The following EPG5 variants were observed in gnomAD, a reference collection of about 807,000 sequenced individuals.
EPG5 encodes the protein ectopic P granules protein 5 homolog.
A neutral mutation model predicts 302.7 loss-of-function variants in EPG5; 159 were observed. The ratio of observed to expected loss-of-function variants is 0.53; its 90% CI spans 0.46 to 0.60. The LOEUF (loss-of-function observed/expected upper bound fraction) is 0.60, where lower values mean the gene tolerates loss of function less well. EPG5 is among the 20% of genes least tolerant of loss of function. EPG5 has a pLI of 0.00. For synonymous variants in EPG5, 1,158 were observed against 1,136.8 expected (o/e 1.02, Z -0.37); for missense variants, 2,896 against 3,092.4 (o/e 0.94, Z 1.51).
chr18:45,833,905 T>A, the EPG5 span, among the ~76,000 whole-genome samples: 2 of 150,282 alleles, frequency 1.3e-5, no homozygotes, highest in Admixed American at 6.6e-5. Flanking sequence ...CCAAGATAAG[T>A]AAAGGAAATA....
At chr18:45,819,154 A>C in the EPG5 span, among the ~76,000 whole-genome samples, 1 of 152,238 alleles carries the variant, frequency 6.6e-6, no homozygotes, top group African/African-American at 2.4e-5. Flanking sequence ...TGACTCATTT[A>C]AATATCACCT....
intron 17 of EPG5, 109 bp from the exon 18 acceptor site, chr18:45,916,691 G>A (rs530634515): frequency 1.8e-5 from 21 of 1,180,146 alleles, no homozygotes; most frequent in Admixed American, 1.6e-4. Flanking sequence ...CCCATTTTTC[G>A]ACCAAAGCAC....
rs1480923071 is a variant in EPG5 at position 45,934,731 on chromosome 18, A to G, written c.2257+78T>C. On this transcript the variant is annotated intron_variant, in intron 11 of 43. Transcript: ENST00000282041. ...TAAAACATTTTCTCTTAGTCCTTCT[A>G]AAAGTAAAAATTAAGCCCTGAAGAG... 8 of 1,484,202 alleles carry G rather than the reference A, an allele frequency of 5.4e-6. No individual in the cohort carries two copies. The African/African-American group carries it at 5.6e-5, about 10-fold the overall frequency. The allele number at this position is 1,484,202 out of a possible 1,614,324, so 91.9% of individuals were successfully genotyped here.
chr18:45,925,242 A>G (rs528460116), intron 14 of EPG5, among the ~76,000 whole-genome samples: 1 of 152,250 alleles, frequency 6.6e-6, no homozygotes, highest in Non-Finnish European at 1.5e-5. Flanking sequence ...AAGCCGAGGC[A>G]AGGTGGATCA....
chr18:45,842,290 GC>G, the EPG5 span: 1 of 1,322,768 alleles, frequency 7.6e-7, no homozygotes, highest in Non-Finnish European at 1.1e-6. Flanking sequence ...CACCTTGGCA[GC>G]CCCCAGCTGG....
intron 28 of EPG5, among the ~76,000 whole-genome samples, chr18:45,889,207 C>T (rs2049286366): frequency 6.6e-6 from 1 of 152,196 alleles, no homozygotes; most frequent in Non-Finnish European, 1.5e-5. Context: ...GCAGAGTCAA[C>T]CCCCACCTCC....
chr18:45,831,225 C>A, the EPG5 span, among the ~76,000 whole-genome samples: 82,045 of 152,028 alleles, frequency 0.54, 22,352 homozygotes, highest in East Asian at 0.59. Context: ...CGCCTGCTGC[C>A]GTGTTGTGAT....
chr18:45,885,001 A>C (rs2049186792), intron 29 of EPG5, among the ~76,000 whole-genome samples, 190 bp from the exon 30 acceptor site: 1 of 152,214 alleles, frequency 6.6e-6, no homozygotes, highest in Non-Finnish European at 1.5e-5. Flanking sequence ...AATATTAGAA[A>C]TTCTGAAGAA....
intron 39 of EPG5, among the ~76,000 whole-genome samples, chr18:45,863,914 G>C (rs1020089789): frequency 4.6e-5 from 7 of 152,000 alleles, no homozygotes; most frequent in African/African-American, 1.7e-4. Flanking sequence ...TATCCTACTT[G>C]GGATTTGCTG....
chr18:45,916,508 T>G lies in EPG5; in HGVS notation c.3314A>C (p.His1105Pro). The G allele has an allele frequency of 1.2e-6, 2 of 1,613,798 alleles. No individual in the cohort carries two copies. The highest frequency in any genetic ancestry group is 1.7e-6 in the Non-Finnish European group (2 of 1,179,722). The change falls in exon 18 of 44, where the codon CAC becomes CCC. Residue 1105 changes from histidine (H) to proline (P), a missense_variant. Transcript: ENST00000282041. The stretch of plus-strand genomic sequence containing the variant: ...TCCTGTCAGGTGCTGTGCCACCTTG[T>G]GGGTGACCTGTTGTGTGACACCCTG... ...VPQGVTQQVT[H>P]KVAQHLTGAS...
At chr18:45,884,311 G>A (rs2049169877) in intron 30 of EPG5, among the ~76,000 whole-genome samples, 1 of 152,172 alleles carries the variant, frequency 6.6e-6, no homozygotes, top group Non-Finnish European at 1.5e-5. Flanking sequence ...ATGATCTGAG[G>A]TGGAACAGTT....
the EPG5 span, among the ~76,000 whole-genome samples, chr18:45,812,050 A>G: frequency 2.6e-5 from 4 of 152,214 alleles, no homozygotes; most frequent in Admixed American, 6.5e-5. Context: ...CCTTAAGCTG[A>G]TAAGAAACTT....
chr18:45,950,794 T>C (rs117391059), intron 4 of EPG5, among the ~76,000 whole-genome samples: 1,788 of 152,344 alleles, frequency 0.012, 14 homozygotes, highest in Non-Finnish European at 0.02. Flanking sequence ...ATCCTCAACC[T>C]GTACCTATAT....
Position 45,929,015 on chromosome 18 carries a change from T to C in EPG5, c.2413-6A>G. 6 of 1,612,918 alleles carry C rather than the reference T, an allele frequency of 3.7e-6. No homozygotes were observed. The highest frequency in any genetic ancestry group is 5.1e-6 in the Non-Finnish European group (6 of 1,179,506). ...GACAAGGTGACATAAGATACCTAAATGGGGGGAAGGGGGAAGAAGATGGCA... is the reference window on the plus strand; with the variant it reads ...GACAAGGTGACATAAGATACCTAAACGGGGGGAAGGGGGAAGAAGATGGCA... On this transcript the variant is annotated splice_region_variant and splice_polypyrimidine_tract_variant and intron_variant, in intron 12 of 43. Transcript: ENST00000282041.
chr18:45,829,392 C>T, the EPG5 span, among the ~76,000 whole-genome samples: 1 of 152,212 alleles, frequency 6.6e-6, no homozygotes, highest in Non-Finnish European at 1.5e-5. Context: ...GATCTCCACC[C>T]CATTCTTGCC....
At chr18:45,956,495 T>A (rs2051035541) in intron 1 of EPG5, among the ~76,000 whole-genome samples, 1 of 152,068 alleles carries the variant, frequency 6.6e-6, no homozygotes, top group Admixed American at 6.5e-5. Flanking sequence ...CTTGCTCTGT[T>A]GCGCAGGCTG....
chr18:45,920,624 A>C (rs747150630), intron 16 of EPG5, among the ~76,000 whole-genome samples: 11 of 152,288 alleles, frequency 7.2e-5, no homozygotes, highest in South Asian at 2.1e-4. Context: ...AGTGAGGAGG[A>C]GGCGGGGTGC....
intron 1 of EPG5, among the ~76,000 whole-genome samples, chr18:45,961,186 G>A (rs1270243685): frequency 1.3e-5 from 2 of 152,102 alleles, no homozygotes; most frequent in Non-Finnish European, 2.9e-5. Flanking sequence ...AGTCTCAGAT[G>A]GTCTCTGCTT....
the EPG5 span, chr18:45,840,297 CCCAGGGGGT>C: frequency 6.4e-7 from 1 of 1,557,354 alleles, no homozygotes; most frequent in East Asian, 2.3e-5. Context: ...GTCCTCATCA[CCCAGGGGGT>C]CCAGGCAGGA....
Sources: allele counts gnomAD v4.1 joint callset (sites outside exome capture counted in the v4.1 genomes callset), GRCh38; gene constraint gnomAD v4.1.1; transcripts MANE v1.5; gene names NCBI Gene and HGNC (gene_info 2026-07-23, HGNC 2026-07-21).